JAKMIP3: variants seen among roughly 807,000 people sequenced by gnomAD.
JAKMIP3 encodes janus kinase and microtubule-interacting protein 3.
In JAKMIP3, 58 loss-of-function variants were observed where a neutral mutation model predicts 118.5. That is an observed-to-expected ratio of 0.49 (90% confidence interval 0.40 to 0.61). The LOEUF (loss-of-function observed/expected upper bound fraction) is 0.61, where lower values mean the gene tolerates loss of function less well. Ranked by LOEUF, JAKMIP3 falls within the 20% of genes least tolerant of loss-of-function variation. The pLI is 0.00. For synonymous variants in JAKMIP3, 486 were observed against 451.2 expected, an observed-to-expected ratio of 1.08 and a Z score of -0.98; for missense variants, 950 against 1,109.0, an observed-to-expected ratio of 0.86 and a Z score of 2.04.
At chr10:132,065,750 C>T (rs2038679548), upstream of JAKMIP3, among the ~76,000 whole-genome samples, 2 of 151,972 alleles carry the variant, frequency 1.3e-5, no homozygotes, top group Non-Finnish European at 2.9e-5. This position sits in a 1 kb window ranked among gnomAD's most constrained non-coding sequence, Gnocchi z 5.6. Flanking sequence ...CGTCTGTTCG[C>T]GCCCTGCAGG....
chr10:132,067,769 C>CTGGGCTTCCATGTGGACTG (rs1564861161), intron 1 of JAKMIP3, among the ~76,000 whole-genome samples: 8 of 55,348 alleles, frequency 1.4e-4, no homozygotes, highest in Non-Finnish European at 3.0e-4. Context: ...CGTGTGGACT[C>CTGGGCTTCCATGTGGACTG]TGGGCTTCCG....
rs115328335 is a variant in JAKMIP3 at position 132,124,763 on chromosome 10, G to A, written c.633+7189G>A. ...CCTTTCTCTTGTGCGTTCATGGGGC[G>A]ACGAGGGGAATCGCAGTGTGGTAGG... On this transcript the variant is annotated intron_variant, in intron 3 of 23. Coordinates refer to ENST00000684848, the MANE Select transcript of JAKMIP3 (RefSeq NM_001323087.2). Among the ~76,000 whole-genome samples the A allele has an allele frequency of 7.2e-3, 1,097 of 152,360 alleles. 12 individuals carry two copies. Among genetic ancestry groups the A allele is most frequent in the African/African-American group, 0.024 (1,018 of 41,592 alleles).
intron 1 of JAKMIP3, among the ~76,000 whole-genome samples, chr10:132,059,642 C>T (rs751294421): frequency 6.6e-6 from 1 of 152,190 alleles, no homozygotes; most frequent in Non-Finnish European, 1.5e-5. Context: ...GATGCCAGAG[C>T]GGCCTTGGAG....
chr10:132,131,197 G>C (rs1532188), intron 3 of JAKMIP3, among the ~76,000 whole-genome samples: 1 of 144,348 alleles, frequency 6.9e-6, no homozygotes, highest in African/African-American at 2.6e-5. Flanking sequence ...GTATGGGGGC[G>C]TTGTGGGGAG....
chr10:132,141,219 G>A (rs749975494), intron 10 of JAKMIP3, among the ~76,000 whole-genome samples: 2 of 152,214 alleles, frequency 1.3e-5, no homozygotes, highest in African/African-American at 2.4e-5. Flanking sequence ...TGGCCCAATG[G>A]CCATAGACCT....
intron 23 of JAKMIP3, among the ~76,000 whole-genome samples, chr10:132,173,965 GTGGTGTGTCTC>G (rs2059899921): frequency 6.8e-6 from 1 of 146,416 alleles, no homozygotes; most frequent in African/African-American, 2.6e-5. Context: ...GTGGTGGTCT[GTGGTGTGTCTC>G]TGGTGGTCTG....
chr10:132,145,860 C>T (rs2054498239), intron 13 of JAKMIP3, among the ~76,000 whole-genome samples: 1 of 152,204 alleles, frequency 6.6e-6, no homozygotes, highest in South Asian at 2.1e-4. Context: ...TCCCGTTGTG[C>T]TGATGGTTCT....
chr10:132,114,225 A>C (rs1010511311), intron 2 of JAKMIP3, among the ~76,000 whole-genome samples: 1 of 152,180 alleles, frequency 6.6e-6, no homozygotes, highest in Non-Finnish European at 1.5e-5. Context: ...AAGTTTACTT[A>C]TTATTTCTGA....
chr10:132,136,334 C>T (rs1003071910), intron 6 of JAKMIP3, among the ~76,000 whole-genome samples: 2 of 152,200 alleles, frequency 1.3e-5, no homozygotes, highest in Non-Finnish European at 2.9e-5. Flanking sequence ...TGTTTGCCCA[C>T]GTCTCACTCA....
intron 1 of JAKMIP3, among the ~76,000 whole-genome samples, chr10:132,040,382 G>A (rs1012838433): frequency 6.6e-6 from 1 of 152,148 alleles, no homozygotes; most frequent in Non-Finnish European, 1.5e-5. Flanking sequence ...TGAGCTGACC[G>A]AGACAGGGCC....
chr10:132,126,247 G>T (rs897142442), intron 3 of JAKMIP3, among the ~76,000 whole-genome samples: 7 of 151,782 alleles, frequency 4.6e-5, no homozygotes, highest in Non-Finnish European at 7.4e-5. Context: ...TGTGATGTTA[G>T]CTGCAGGTTG....
At chr10:132,081,844 C>T (rs755652175) in intron 1 of JAKMIP3, among the ~76,000 whole-genome samples, 4 of 152,088 alleles carry the variant, frequency 2.6e-5, no homozygotes, top group Non-Finnish European at 4.4e-5. Flanking sequence ...CCCTACAGAG[C>T]AGCCCTCATC....
At chr10:132,043,076 A>C (rs1026896817) in intron 1 of JAKMIP3, among the ~76,000 whole-genome samples, 1 of 152,186 alleles carries the variant, frequency 6.6e-6, no homozygotes, top group African/African-American at 2.4e-5. Context: ...CCTGGGCAAC[A>C]GAGCAAGATC....
chr10:132,133,523 GC>G lies in JAKMIP3; in HGVS notation c.848del (p.Pro283LeufsTer20). 6.4e-7 allele frequency: 1 copy of G among 1,561,018 alleles called. No individual in the cohort carries two copies. Among genetic ancestry groups the G allele is most frequent in the Non-Finnish European group, 8.7e-7 (1 of 1,153,844 alleles). The part of the protein sequence containing the change: ...GAGDASDHSG[S>X]PEQQLDEKDA... ...GGAGACGCTTCAGACCACTCGGGAA[GC>G]CCTGTAAGCACCTCCCAGGCCCACC... On this transcript the variant is annotated frameshift_variant, in exon 4 of 24. Coordinates refer to ENST00000684848, the MANE Select transcript of JAKMIP3 (RefSeq NM_001323087.2).
chr10:132,090,442 G>C (rs554208037), intron 1 of JAKMIP3, among the ~76,000 whole-genome samples: 6 of 152,168 alleles, frequency 3.9e-5, no homozygotes, highest in Non-Finnish European at 2.9e-5. Context: ...GTCTTGGGAG[G>C]GTGTATGTGT....
intron 11 of JAKMIP3, among the ~76,000 whole-genome samples, chr10:132,143,112 AC>A (rs956608909): frequency 5.4e-5 from 8 of 146,806 alleles, no homozygotes; most frequent in Admixed American, 2.0e-4. Flanking sequence ...AGAGAGCTCC[AC>A]CCCTCTGTGC....
chr10:132,154,808 A>G (rs892867709), intron 19 of JAKMIP3, among the ~76,000 whole-genome samples: 8 of 145,700 alleles, frequency 5.5e-5, no homozygotes, highest in Admixed American at 2.8e-4. Flanking sequence ...GGTGGTGGTG[A>G]TGATTGTGCT....
chr10:132,094,082 C>T (rs1322815844), intron 1 of JAKMIP3, among the ~76,000 whole-genome samples: 1 of 152,008 alleles, frequency 6.6e-6, no homozygotes, highest in East Asian at 1.9e-4. Flanking sequence ...GGACTACAGG[C>T]TCACACCACC....
Position 132,097,910 on chromosome 10 carries a change from TCCCC to T in JAKMIP3, c.-137-6761_-137-6758del, listed in dbSNP as rs1564892632. On this transcript the variant is annotated intron_variant, in intron 1 of 23. Coordinates refer to ENST00000684848, the MANE Select transcript of JAKMIP3 (RefSeq NM_001323087.2). ...CTTCCCTTCCCCTTCCCCTTCCCCT[TCCCC>T]TTCCCCTTTCCTTCCCCTTCCCCTT... Among the ~76,000 whole-genome samples the T allele has an allele frequency of 5.9e-4, 35 of 59,342 alleles. 5 individuals carry two copies. The highest frequency in any genetic ancestry group is 1.1e-3 in the South Asian group (1 of 922). The allele number at this position is 59,342 out of a possible 152,430, so 38.9% of individuals were successfully genotyped here.
Sources: gnomAD v4.1 joint callset for allele counts (sites outside exome capture counted in the v4.1 genomes callset) on GRCh38, gnomAD v4.1.1 for gene constraint, Gnocchi (gnomAD v3.1) non-coding constraint, MANE v1.5 for transcripts, NCBI Gene and HGNC (gene_info 2026-07-23, HGNC 2026-07-21) for gene names.